Variants in DCC observed in about 807,000 individuals in gnomAD.
The protein encoded by DCC is netrin receptor DCC.
In DCC, 58 loss-of-function variants were observed where a neutral mutation model predicts 172.5. The ratio of observed to expected loss-of-function variants is 0.34; its 90% confidence interval spans 0.27 to 0.42. The LOEUF is 0.42. DCC is among the 10% of genes least tolerant of loss of function. The pLI, the probability that DCC is intolerant of heterozygous loss-of-function variation, is 1.00. For synonymous variants in DCC, 709 were observed against 644.5 expected, an observed-to-expected ratio of 1.10 and a Z score of -1.52; for missense variants, 1,740 against 1,791.0, an observed-to-expected ratio of 0.97 and a Z score of 0.51.
intron 1 of DCC, among the ~76,000 whole-genome samples, chr18:52,442,113 A>T (rs1316008956): frequency 3.3e-5 from 5 of 152,238 alleles, no homozygotes; most frequent in Admixed American, 1.3e-4. Context: ...ATGGAATGTG[A>T]TTTTTTTATG....
chr18:52,599,526 ATTATTTTATT>A (rs59180152), intron 1 of DCC, among the ~76,000 whole-genome samples: 2 of 149,840 alleles, frequency 1.3e-5, no homozygotes, highest in Non-Finnish European at 3.0e-5. Context: ...TTATAAATAT[ATTATTTTATT>A]TTATTTTATT....
At chr18:53,437,822 C>T (rs867261322) in intron 22 of DCC, among the ~76,000 whole-genome samples, 4 of 151,982 alleles carry the variant, frequency 2.6e-5, no homozygotes, top group African/African-American at 9.7e-5. Flanking sequence ...GCGACTAAGC[C>T]CTCAGCGAGT....
At chr18:53,452,387 C>G (rs900926096) in intron 23 of DCC, among the ~76,000 whole-genome samples, 9 of 152,178 alleles carry the variant, frequency 5.9e-5, no homozygotes, top group Non-Finnish European at 1.3e-4. Flanking sequence ...GGGTTCCCCC[C>G]CGCCCCGTGT....
intron 1 of DCC, among the ~76,000 whole-genome samples, chr18:52,639,466 A>G (rs1432209283): frequency 6.6e-6 from 1 of 152,180 alleles, no homozygotes; most frequent in East Asian, 1.9e-4. Flanking sequence ...CTGAGAAATA[A>G]AACAGGAGAT....
chr18:52,542,960 A>C (rs2032503981), intron 1 of DCC, among the ~76,000 whole-genome samples: 1 of 152,216 alleles, frequency 6.6e-6, no homozygotes, highest in Non-Finnish European at 1.5e-5. Context: ...TGAATATTCG[A>C]AGCTGGGCTT....
At chr18:53,190,700 A>G (rs2055353753) in intron 9 of DCC, among the ~76,000 whole-genome samples, 1 of 152,270 alleles carries the variant, frequency 6.6e-6, no homozygotes, top group South Asian at 2.1e-4. Flanking sequence ...TAATCCCAGC[A>G]CTTTGGGAGG....
At chr18:52,527,041 A>T (rs2144676625) in intron 1 of DCC, among the ~76,000 whole-genome samples, 1 of 152,310 alleles carries the variant, frequency 6.6e-6, no homozygotes, top group South Asian at 2.1e-4. Context: ...CTTTTGGTAA[A>T]ACTGATGCAC....
intron 2 of DCC, among the ~76,000 whole-genome samples, chr18:52,785,170 A>G (rs2037632541): frequency 1.3e-5 from 2 of 151,968 alleles, no homozygotes; most frequent in South Asian, 2.1e-4. Context: ...GTTGATTGAC[A>G]CCAGTAAGAT....
At chr18:53,267,108 TCTCACA>T (rs1282813317) in intron 12 of DCC, among the ~76,000 whole-genome samples, 5 of 144,158 alleles carry the variant, frequency 3.5e-5, no homozygotes, top group African/African-American at 1.2e-4. Context: ...ACACTCTCTC[TCTCACA>T]CACACACACA....
intron 21 of DCC, among the ~76,000 whole-genome samples, chr18:53,432,806 A>T (rs1313988270): frequency 6.6e-6 from 1 of 152,084 alleles, no homozygotes; most frequent in East Asian, 1.9e-4. Flanking sequence ...TTTAAAAGAC[A>T]TATTTCAGAG....
intron 2 of DCC, among the ~76,000 whole-genome samples, chr18:52,792,790 A>G (rs985251552): frequency 2.0e-5 from 3 of 151,788 alleles, no homozygotes; most frequent in Admixed American, 6.6e-5. Context: ...ATTCCATTCC[A>G]TTCCATTCCA....
chr18:52,921,605 A>G (rs148663534), intron 3 of DCC, among the ~76,000 whole-genome samples: 2,790 of 152,010 alleles, frequency 0.018, 38 homozygotes, highest in Non-Finnish European at 0.029. Flanking sequence ...AGGCTGAGGC[A>G]GGAGAATCCG....
Position 52,714,970 on chromosome 18 carries a change from T to C in DCC, c.92-37084T>C, listed in dbSNP as rs146794965. Among the ~76,000 whole-genome samples the C allele has an allele frequency of 1.2e-3, 190 of 152,306 alleles. 2 individuals are homozygous for C. Among genetic ancestry groups the C allele is most frequent in the African/African-American group, 4.3e-3 (180 of 41,566 alleles). On this transcript the variant is annotated intron_variant, in intron 1 of 28. Transcript: ENST00000442544. ...TGTATCTTATCCACATTGAATTCCT[T>C]ATTCCATCTAAGATATGATCGCTAC...
intron 1 of DCC, among the ~76,000 whole-genome samples, chr18:52,447,624 G>C (rs1988166507): frequency 6.6e-6 from 1 of 152,158 alleles, no homozygotes; most frequent in Admixed American, 6.5e-5. Flanking sequence ...ATAAAGAAAA[G>C]AGATGTAATA....
intron 1 of DCC, among the ~76,000 whole-genome samples, chr18:52,474,793 T>C (rs1322959593): frequency 1.3e-5 from 2 of 152,228 alleles, no homozygotes; most frequent in African/African-American, 4.8e-5. Flanking sequence ...TGTATCATAA[T>C]GGTTTTCTGT....
At chr18:52,662,641 G>C (rs1409389153) in intron 1 of DCC, among the ~76,000 whole-genome samples, 1 of 149,882 alleles carries the variant, frequency 6.7e-6, no homozygotes, top group African/African-American at 2.5e-5. Context: ...GAAGCGAAAA[G>C]AAGAAAACAA....
intron 14 of DCC, among the ~76,000 whole-genome samples, chr18:53,334,737 A>G (rs2057572349): frequency 1.3e-5 from 2 of 152,220 alleles, no homozygotes; most frequent in South Asian, 4.1e-4. Flanking sequence ...AGGCTCCTGC[A>G]TCTTGTAGCG....
chr18:53,129,669 A>AT (rs2043621841), intron 7 of DCC, among the ~76,000 whole-genome samples: 1 of 151,806 alleles, frequency 6.6e-6, no homozygotes, highest in Admixed American at 6.6e-5. Context: ...CTTCATTCTT[A>AT]TTTTTTTGCT....
At chr18:52,635,458 A>C (rs1177660211) in intron 1 of DCC, among the ~76,000 whole-genome samples, 7 of 152,238 alleles carry the variant, frequency 4.6e-5, no homozygotes, top group Non-Finnish European at 1.0e-4. Flanking sequence ...ACTGTATTAC[A>C]TAGTATTAAA....
Sources: allele counts gnomAD v4.1 joint callset (sites outside exome capture counted in the v4.1 genomes callset), GRCh38; gene constraint gnomAD v4.1.1; transcripts MANE v1.5; gene names NCBI Gene and HGNC (gene_info 2026-07-23, HGNC 2026-07-21).